Variants in STON1 observed in about 807,000 individuals in gnomAD.
STON1 encodes the protein stonin-1.
A neutral mutation model predicts 60.9 loss-of-function variants in STON1; 79 were observed. The ratio of observed to expected loss-of-function variants is 1.30; its 90% CI spans 1.08 to 1.56. STON1 has a LOEUF of 1.56. Among genes scored for constraint, STON1 ranks in the 40% most tolerant of loss-of-function variants. The probability of loss-of-function intolerance (pLI) is 0.00; values close to 1 mark genes in which losing one functional copy is unlikely to be tolerated. For missense variants in STON1, 1,166 were observed against 858.9 expected (o/e 1.36, Z -4.47); for synonymous variants, 363 against 306.9 (o/e 1.18, Z -1.91).
chr2:48,576,352 G>A (rs62135231), intron 1 of STON1, among the ~76,000 whole-genome samples: 49,137 of 151,036 alleles, frequency 0.33, 8,117 homozygotes, highest in East Asian at 0.42. Context: ...ACCACACCCA[G>A]CTAATTTTTG....
rs1351738802 is a variant in STON1 at position 48,539,583 on chromosome 2, C to T, written c.-48+9367C>T. Reference sequence around the variant, plus strand: ...GTGGTGTGATCTTGGCTCACTGCAACCTCTGCCTCCTGGGTTCAAGCGATC... The same window carrying T: ...GTGGTGTGATCTTGGCTCACTGCAATCTCTGCCTCCTGGGTTCAAGCGATC... On this transcript the variant is annotated intron_variant, in intron 1 of 3. Transcript: ENST00000404752. 7.2e-5 allele frequency among the ~76,000 whole-genome samples: 11 copies of T among 151,968 alleles called. No individual in the cohort carries two copies. The South Asian group carries it at 1.9e-3, about 26-fold the overall frequency.
At chr2:48,579,823 A>G (rs1201840602) in intron 1 of STON1, among the ~76,000 whole-genome samples, 9 of 152,154 alleles carry the variant, frequency 5.9e-5, no homozygotes, top group South Asian at 4.1e-4. Flanking sequence ...GAAATCTCCA[A>G]TTATTAGTGG....
At chr2:48,564,467 CTTCTTCTTCTTCTTTCTTCTTCTTCTT>C (rs1672771678) in intron 1 of STON1, among the ~76,000 whole-genome samples, 2 of 55,906 alleles carry the variant, frequency 3.6e-5, no homozygotes, top group Non-Finnish European at 7.6e-5. Context: ...TCTTCTTCTT[CTTCTTCTTCTTCTTTCTTCTTCTTCTT>C]CTTCTTCTTC....
intron 1 of STON1, among the ~76,000 whole-genome samples, chr2:48,551,471 G>T (rs1672103205): frequency 6.6e-6 from 1 of 152,120 alleles, no homozygotes; most frequent in Non-Finnish European, 1.5e-5. Context: ...TGTCTTGTTG[G>T]CTCAGCTTGA....
rs75051505 is a variant in STON1 at position 48,549,372 on chromosome 2, G to A, written c.-48+19156G>A. 3.7e-3 allele frequency among the ~76,000 whole-genome samples: 568 copies of A among 152,240 alleles called. 3 individuals carry two copies. The highest frequency in any genetic ancestry group is 0.013 in the African/African-American group (529 of 41,532). On this transcript the variant is annotated intron_variant, in intron 1 of 3. Transcript: ENST00000404752. ...AGGATGGAGTCCAGGCCTGGGGTGG[G>A]TAGAGGAGGTTGCTGGTCCACAAAC... is the stretch of plus-strand genomic sequence containing the variant.
chr2:48,572,008 C>G (rs1478938449), intron 1 of STON1, among the ~76,000 whole-genome samples: 1 of 151,994 alleles, frequency 6.6e-6, no homozygotes, highest in Non-Finnish European at 1.5e-5. Flanking sequence ...ACTAAAAATA[C>G]AAAAATTAGC....
At chr2:48,576,299 C>T (rs1673497303) in intron 1 of STON1, among the ~76,000 whole-genome samples, 1 of 135,274 alleles carries the variant, frequency 7.4e-6, no homozygotes, top group East Asian at 2.4e-4. Context: ...AAGTGATTCT[C>T]ATGCCTCAGC....
At chr2:48,587,760 C>G (rs1475384120) in intron 2 of STON1, among the ~76,000 whole-genome samples, 2 of 152,238 alleles carry the variant, frequency 1.3e-5, no homozygotes, top group Non-Finnish European at 2.9e-5. Context: ...GTCAATTACA[C>G]AGTGATAATT....
rs927830855 is a variant in STON1, at chr2:48,559,698, C to G, written c.-47-20889C>G. ...CAGTGGCAGGGCTGGGATTGAAACA[C>G]AAATCTCTCTAACTTCTAAGCCCTT... On this transcript the variant is annotated intron_variant, in intron 1 of 3. Coordinates refer to ENST00000404752, the MANE Select transcript of STON1 (RefSeq NM_006873.4). Among the ~76,000 whole-genome samples, 10 of 152,318 alleles carry G rather than the reference C, an allele frequency of 6.6e-5. No individual in the cohort carries two copies. In the South Asian group the frequency reaches 8.3e-4, roughly 13 times the overall value.
chr2:48,578,581 C>CTTTTTT lies in STON1; in HGVS notation c.-47-1986_-47-1981dup, dbSNP rs59933765. 3.9e-4 allele frequency among the ~76,000 whole-genome samples: 18 copies of CTTTTTT among 46,156 alleles called. 1 individual carries two copies. The highest frequency in any genetic ancestry group is 5.0e-4 in the Non-Finnish European group (14 of 28,216). The allele number at this position is 46,156 out of a possible 152,430, so 30.3% of individuals were successfully genotyped here. On this transcript the variant is annotated intron_variant, in intron 1 of 3. Coordinates refer to ENST00000404752, the MANE Select transcript of STON1 (RefSeq NM_006873.4). ...CTTCTCCTCCTCCTCCTCCTCCTTC[C>CTTTTTT]TTTTTTTTTTTTTTTTTTTTTTTTT...
intron 2 of STON1, among the ~76,000 whole-genome samples, chr2:48,587,184 G>A (rs1009729958): frequency 2.0e-5 from 3 of 152,206 alleles, no homozygotes; most frequent in Admixed American, 2.0e-4. Flanking sequence ...CATGCAGCCG[G>A]GGTTGAGAAC....
intron 1 of STON1, among the ~76,000 whole-genome samples, chr2:48,533,379 C>CAGAAA (rs1215936572): frequency 6.6e-6 from 1 of 150,560 alleles, no homozygotes; most frequent in Non-Finnish European, 1.5e-5. Flanking sequence ...GACTCCGTCT[C>CAGAAA]AGAAAAGAAA....
Position 48,596,825 on chromosome 2 carries a change from G to A in STON1, c.*1523G>A, listed in dbSNP as rs1287083179. 6.6e-6 allele frequency: 1 copy of A among 152,040 alleles called. No homozygotes were observed. Among genetic ancestry groups the A allele is most frequent in the African/African-American group, 2.4e-5 (1 of 41,404 alleles). 9.4% of individuals were successfully genotyped at this position (152,040 alleles called of 1,614,324 possible). On this transcript the variant is annotated 3_prime_UTR_variant, in exon 4 of 4. Transcript: ENST00000404752. ...CAAAGAATGCAATAGGTGATGGTTG[G>A]TTGAAAGGAATTGTTATTGCTGTTT... is the stretch of plus-strand genomic sequence containing the variant.
rs1206846357 is a variant in STON1, at chr2:48,555,256, G to C, written c.-48+25040G>C. 6.4e-5 allele frequency among the ~76,000 whole-genome samples: 7 copies of C among 108,670 alleles called. 1 individual carries two copies. Among genetic ancestry groups the C allele is most frequent in the South Asian group, 3.5e-4 (1 of 2,892 alleles). The allele number at this position is 108,670 out of a possible 152,430, so 71.3% of individuals were successfully genotyped here. ...GAGCTGTTGGGCACACCTCCCAGAC[G>C]GGGAGGTGGCTGGGCAGAGGCGCCC... is the stretch of plus-strand genomic sequence containing the variant. On this transcript the variant is annotated intron_variant, in intron 1 of 3. Coordinates refer to ENST00000404752, the MANE Select transcript of STON1 (RefSeq NM_006873.4).
Position 48,558,513 on chromosome 2 carries a change from C to T in STON1, c.-47-22074C>T, listed in dbSNP as rs566920178. On this transcript the variant is annotated intron_variant, in intron 1 of 3. Coordinates refer to ENST00000404752, the MANE Select transcript of STON1 (RefSeq NM_006873.4). ...AATACTGCTAATCTCTGCTCAGTGG[C>T]TTGTGGCCCAGTTTAGGCAGCCAGA... Among the ~76,000 whole-genome samples the T allele has an allele frequency of 3.9e-5, 6 of 152,310 alleles. No homozygotes were observed. The East Asian group carries it at 1.2e-3, about 29-fold the overall frequency.
chr2:48,588,320 A>G (rs1438156032), intron 2 of STON1, among the ~76,000 whole-genome samples: 1 of 152,220 alleles, frequency 6.6e-6, no homozygotes, highest in East Asian at 1.9e-4. Flanking sequence ...TTAAAATTTT[A>G]TCCTTTTCAA....
chr2:48,534,111 A>G lies in STON1; in HGVS notation c.-48+3895A>G, dbSNP rs866088462. Among the ~76,000 whole-genome samples the G allele has an allele frequency of 1.1e-4, 16 of 152,284 alleles. No individual in the cohort carries two copies. In the South Asian group the frequency reaches 2.1e-3, roughly 20 times the overall value. ...AGCAAGTTATAAAATGGAAAGCACTATAATTTTACTCTTTGAAAATACATC... is the reference window on the plus strand; with the variant it reads ...AGCAAGTTATAAAATGGAAAGCACTGTAATTTTACTCTTTGAAAATACATC... On this transcript the variant is annotated intron_variant, in intron 1 of 3. Transcript: ENST00000404752.
intron 1 of STON1, among the ~76,000 whole-genome samples, chr2:48,540,320 T>G (rs1671603872): frequency 6.6e-6 from 1 of 152,214 alleles, no homozygotes; most frequent in South Asian, 2.1e-4. Flanking sequence ...CTGGGTGTGT[T>G]AGGCCTCAGA....
intron 2 of STON1, among the ~76,000 whole-genome samples, chr2:48,584,485 C>G (rs977196274): frequency 6.6e-6 from 1 of 152,042 alleles, no homozygotes; most frequent in Non-Finnish European, 1.5e-5. Flanking sequence ...CCAGACTGGT[C>G]TTGAACTCCT....
Sources: allele counts gnomAD v4.1 joint callset (sites outside exome capture counted in the v4.1 genomes callset), GRCh38; gene constraint gnomAD v4.1.1; transcripts MANE v1.5; gene names NCBI Gene and HGNC (gene_info 2026-07-23, HGNC 2026-07-21).